The following CCDC7 variants were observed in gnomAD, a reference collection of about 807,000 sequenced individuals.
CCDC7 encodes coiled-coil domain containing 7, also known as coiled-coil domain-containing protein 7.
CCDC7 carries 183 observed loss-of-function variants against 196.9 expected under a neutral mutation model. The ratio of observed to expected loss-of-function variants is 0.93; its 90% CI spans 0.82 to 1.05. CCDC7 has a LOEUF of 1.05. Among genes scored for constraint, CCDC7 ranks in the 50% least tolerant of loss-of-function variants. The probability of loss-of-function intolerance (pLI) is 0.00; values close to 1 mark genes in which losing one functional copy is unlikely to be tolerated. For missense variants in CCDC7, 1,540 were observed against 1,482.2 expected (o/e 1.04, Z -0.64); for synonymous variants, 525 against 484.6 (o/e 1.08, Z -1.10).
intron 20 of CCDC7, among the ~76,000 whole-genome samples, chr10:32,638,404 C>A (rs994078627): frequency 1.6e-4 from 25 of 152,134 alleles, no homozygotes; most frequent in Non-Finnish European, 2.5e-4. Flanking sequence ...AGATACGTCC[C>A]ATCAATACCT....
intron 18 of CCDC7, among the ~76,000 whole-genome samples, chr10:32,627,582 T>C (rs1291960889): frequency 6.6e-6 from 1 of 152,028 alleles, no homozygotes; most frequent in Admixed American, 6.6e-5. Flanking sequence ...CATTCTTGTC[T>C]TGTCCAGATC....
At chr10:32,456,411 G>C in intron 3 of CCDC7, 77 bp downstream of exon 4, 2 of 1,184,196 alleles carry the variant, frequency 1.7e-6, no homozygotes, top group East Asian at 5.7e-5. Flanking sequence ...CTGCTATCCA[G>C]TCAGCCAACA....
intron 30 of CCDC7, 98 bp downstream of exon 31, chr10:32,805,196 T>G (rs908779690): frequency 2.4e-6 from 2 of 821,632 alleles, no homozygotes; most frequent in Non-Finnish European, 2.0e-6. Flanking sequence ...TTTGTTATTA[T>G]GACATGGGCA....
intron 6 of CCDC7, among the ~76,000 whole-genome samples, 194 bp downstream of exon 7, chr10:32,471,424 G>A (rs997204018): frequency 6.6e-6 from 1 of 152,158 alleles, no homozygotes; most frequent in Admixed American, 6.5e-5. Flanking sequence ...TTTGCTGCAT[G>A]TGGCTATGCA....
At chr10:32,466,663 C>T (rs2036859966) in intron 5 of CCDC7, among the ~76,000 whole-genome samples, 1 of 152,148 alleles carries the variant, frequency 6.6e-6, no homozygotes, top group Admixed American at 6.5e-5. Flanking sequence ...TTTCTTTATC[C>T]AGTCAACCAC....
chr10:32,848,643 G>A (rs777509300), exon 39 of CCDC7: 16 of 1,525,614 alleles, frequency 1.0e-5, no homozygotes, highest in East Asian at 2.3e-5. Flanking sequence ...ACGTCAAGAA[G>A]GTATCTTTAC....
At chr10:32,779,196 C>A in intron 29 of CCDC7, 112 bp downstream of exon 30, 3 of 762,774 alleles carry the variant, frequency 3.9e-6, no homozygotes, top group Non-Finnish European at 6.0e-6. Context: ...TAGTCTTTCT[C>A]AACTTAAGTT....
At chr10:32,451,574 T>A, upstream of CCDC7, 1 of 1,513,542 alleles carries the variant, frequency 6.6e-7, no homozygotes, top group Non-Finnish European at 8.8e-7. Flanking sequence ...TCTCTGAATC[T>A]CTTATTTTTT....
At chr10:32,752,485 T>C (rs1328271858) in intron 28 of CCDC7, among the ~76,000 whole-genome samples, 1 of 152,176 alleles carries the variant, frequency 6.6e-6, no homozygotes, top group South Asian at 2.1e-4. Flanking sequence ...CCACGTATAG[T>C]GGAGTCTTAG....
chr10:32,512,696 A>G (rs1352735189), intron 9 of CCDC7: 1 of 152,214 alleles, frequency 6.6e-6, no homozygotes, highest in Admixed American at 6.5e-5. Flanking sequence ...AGACTGGGAG[A>G]AAAGATTTGT....
intron 13 of CCDC7, among the ~76,000 whole-genome samples, chr10:32,558,163 G>T (rs1213417657): frequency 6.6e-6 from 1 of 151,840 alleles, no homozygotes; most frequent in Non-Finnish European, 1.5e-5. Context: ...TTAAGAATTA[G>T]TTTCACTTTT....
chr10:32,764,619 G>C (rs1565438157), intron 28 of CCDC7, among the ~76,000 whole-genome samples: 1 of 151,890 alleles, frequency 6.6e-6, no homozygotes, highest in Non-Finnish European at 1.5e-5. Context: ...CGAAGGCCTA[G>C]GAAAATTGGA....
chr10:32,856,047 C>T (rs995590389), intron 41 of CCDC7, among the ~76,000 whole-genome samples: 2 of 152,086 alleles, frequency 1.3e-5, no homozygotes, highest in Non-Finnish European at 2.9e-5. Flanking sequence ...TGACGTTGTG[C>T]CCTTTATCTT....
exon 30 of CCDC7, chr10:32,805,053 C>T (rs766205215): frequency 2.7e-5 from 43 of 1,612,098 alleles, no homozygotes; most frequent in South Asian, 5.5e-5. Flanking sequence ...TTTGGGAAGA[C>T]GCTTATTAAA....
At chr10:32,685,173 T>G (rs545588364) in intron 21 of CCDC7, among the ~76,000 whole-genome samples, 1 of 150,344 alleles carries the variant, frequency 6.7e-6, no homozygotes, top group South Asian at 2.1e-4. Flanking sequence ...TCCTTCTTCC[T>G]TACCTAACGG....
intron 30 of CCDC7, among the ~76,000 whole-genome samples, chr10:32,808,806 C>T (rs1412949009): frequency 5.0e-5 from 1 of 19,986 alleles, no homozygotes; most frequent in African/African-American, 5.5e-5. Flanking sequence ...ATGGACATCA[C>T]TGACACTGTT....
intron 20 of CCDC7, among the ~76,000 whole-genome samples, chr10:32,641,295 G>T (rs1177727366): frequency 6.6e-6 from 1 of 152,210 alleles, no homozygotes; most frequent in Non-Finnish European, 1.5e-5. Flanking sequence ...ACACCAATCA[G>T]ATGTAGATTT....
At chr10:32,732,772 C>T (rs982422064) in intron 28 of CCDC7, among the ~76,000 whole-genome samples, 1 of 152,074 alleles carries the variant, frequency 6.6e-6, no homozygotes, top group Non-Finnish European at 1.5e-5. Context: ...GCATTACCCA[C>T]GATATGATGG....
chr10:32,576,304 A>T (rs1274912664), intron 16 of CCDC7, among the ~76,000 whole-genome samples: 1 of 20,812 alleles, frequency 4.8e-5, no homozygotes, highest in East Asian at 8.2e-4. Context: ...AAGGGGGTTA[A>T]AAAAAAAAAA....
Sources: allele counts gnomAD v4.1 joint callset (sites outside exome capture counted in the v4.1 genomes callset), GRCh38; gene constraint gnomAD v4.1.1; transcripts MANE v1.5; gene names NCBI Gene and HGNC (gene_info 2026-07-23, HGNC 2026-07-21).